PLAAT3: variants seen among roughly 807,000 people sequenced by gnomAD.
The protein encoded by PLAAT3 is Ca-independent phospholipase A1/2.
In PLAAT3, 21 loss-of-function variants were observed where a neutral mutation model predicts 16.7. The observed-to-expected ratio is 1.26, with a 90% CI of 0.89 to 1.81. The LOEUF is 1.81. PLAAT3 is among the 40% of genes most tolerant of loss of function. PLAAT3 has a pLI of 0.00. For missense variants in PLAAT3, 219 were observed against 213.7 expected, an observed-to-expected ratio of 1.02 and a Z score of -0.16; for synonymous variants, 76 against 81.7, an observed-to-expected ratio of 0.93 and a Z score of 0.38.
chr11:63,594,113 G>A (rs989293157), intron 3 of PLAAT3, among the ~76,000 whole-genome samples: 4 of 152,326 alleles, frequency 2.6e-5, no homozygotes, highest in Middle Eastern at 3.4e-3. Context: ...TGGAAGGAAC[G>A]GAGAATGACT....
chr11:63,598,475 G>A (rs1938349234), intron 2 of PLAAT3, among the ~76,000 whole-genome samples: 1 of 152,224 alleles, frequency 6.6e-6, no homozygotes. Flanking sequence ...TCTGAGCCAA[G>A]CACTCCACTC....
At chr11:63,582,889 T>C (rs547052813) in intron 4 of PLAAT3, among the ~76,000 whole-genome samples, 1 of 152,240 alleles carries the variant, frequency 6.6e-6, no homozygotes, top group Admixed American at 6.5e-5. Flanking sequence ...TCCCAGCACT[T>C]TGGGAGGCCG....
intron 3 of PLAAT3, among the ~76,000 whole-genome samples, chr11:63,595,996 C>G (rs1228501574): frequency 6.6e-6 from 1 of 151,930 alleles, no homozygotes; most frequent in Non-Finnish European, 1.5e-5. Context: ...AATCCCAGCA[C>G]TGTGGGAGGC....
At chr11:63,608,921 C>G (rs973665063) in intron 2 of PLAAT3, among the ~76,000 whole-genome samples, 1 of 152,180 alleles carries the variant, frequency 6.6e-6, no homozygotes, top group Non-Finnish European at 1.5e-5. Context: ...GGGATAGGTA[C>G]AGCACCTGAT....
intron 4 of PLAAT3, among the ~76,000 whole-genome samples, chr11:63,589,643 A>T (rs1169205480): frequency 6.6e-6 from 1 of 152,198 alleles, no homozygotes; most frequent in African/African-American, 2.4e-5. Flanking sequence ...CTGGGCTTCA[A>T]ATCCCAACTC....
intron 2 of PLAAT3, among the ~76,000 whole-genome samples, chr11:63,604,958 T>C (rs183943633): frequency 1.2e-4 from 18 of 152,222 alleles, no homozygotes; most frequent in Middle Eastern, 3.4e-3. Context: ...TCCCTCTGGT[T>C]TCTGGGTGCT....
chr11:63,581,970 T>C (rs905403516), intron 4 of PLAAT3, among the ~76,000 whole-genome samples: 2 of 152,226 alleles, frequency 1.3e-5, no homozygotes, highest in African/African-American at 4.8e-5. Context: ...TGTCAATGCT[T>C]TGATTTTAGC....
intron 2 of PLAAT3, among the ~76,000 whole-genome samples, chr11:63,598,418 A>T (rs970166602): frequency 6.6e-6 from 1 of 152,230 alleles, no homozygotes; most frequent in Non-Finnish European, 1.5e-5. Context: ...CATGAGCTGG[A>T]GTCTCTGCCT....
chr11:63,616,448 AATTTTT>A (rs1938875925), upstream of PLAAT3: 1 of 151,914 alleles, frequency 6.6e-6, no homozygotes, highest in South Asian at 2.1e-4. Context: ...GCATCTTTTT[AATTTTT>A]ATTTTTATTT....
intron 2 of PLAAT3, among the ~76,000 whole-genome samples, chr11:63,601,419 G>A (rs1206890384): frequency 6.8e-6 from 1 of 147,002 alleles, no homozygotes; most frequent in Non-Finnish European, 1.5e-5. Flanking sequence ...TTGACATTCA[G>A]CCAATCTGCC....
At chr11:63,616,863 GTCC>G (rs1938887730), upstream of PLAAT3, 1 of 151,864 alleles carries the variant, frequency 6.6e-6, no homozygotes, top group Admixed American at 6.6e-5. Flanking sequence ...GGTGCCTGTA[GTCC>G]CAGCTACTCG....
chr11:63,582,121 GAC>G (rs1485216475), intron 4 of PLAAT3, among the ~76,000 whole-genome samples: 1 of 152,156 alleles, frequency 6.6e-6, no homozygotes, highest in Non-Finnish European at 1.5e-5. Flanking sequence ...GGAGCATTGT[GAC>G]TCCAGAGCCT....
intron 4 of PLAAT3, among the ~76,000 whole-genome samples, chr11:63,583,074 G>C (rs1415764504): frequency 6.6e-6 from 1 of 150,870 alleles, no homozygotes; most frequent in Non-Finnish European, 1.5e-5. Flanking sequence ...AGGTTGCAGT[G>C]AGCCGAGATC....
upstream of PLAAT3, among the ~76,000 whole-genome samples, chr11:63,615,140 G>GTGTGTA (rs1555047889): frequency 3.2e-5 from 2 of 62,464 alleles, no homozygotes; most frequent in African/African-American, 1.1e-4. Context: ...ATGTATATGT[G>GTGTGTA]TATATGTGTG....
chr11:63,585,975 G>A (rs142061770), intron 4 of PLAAT3, among the ~76,000 whole-genome samples: 532 of 152,202 alleles, frequency 3.5e-3, no homozygotes, highest in Middle Eastern at 6.8e-3. Flanking sequence ...CCAGCACTTT[G>A]GGAGACTGAG....
intron 4 of PLAAT3, among the ~76,000 whole-genome samples, chr11:63,584,145 T>C (rs181291459): frequency 6.6e-6 from 1 of 152,312 alleles, no homozygotes; most frequent in African/African-American, 2.4e-5. Flanking sequence ...TGGTTTCATT[T>C]ACAGTAATTT....
At chr11:63,588,316 C>T (rs1053149444) in intron 4 of PLAAT3, among the ~76,000 whole-genome samples, 2 of 152,092 alleles carry the variant, frequency 1.3e-5, no homozygotes, top group Non-Finnish European at 2.9e-5. Context: ...GTGGTCTGCC[C>T]GCCTTAGTCT....
intron 4 of PLAAT3, among the ~76,000 whole-genome samples, chr11:63,579,069 G>A (rs1311755014): frequency 2.0e-5 from 3 of 152,322 alleles, no homozygotes; most frequent in East Asian, 1.9e-4. Flanking sequence ...CGAAGGATAT[G>A]AACAGACACT....
At chr11:63,609,984 AGC>A (rs1261829990) in intron 2 of PLAAT3, among the ~76,000 whole-genome samples, 34 of 152,130 alleles carry the variant, frequency 2.2e-4, no homozygotes, top group Non-Finnish European at 4.0e-4. Context: ...TCCTTATAAG[AGC>A]CCCATGTTAC....
Sources: gnomAD v4.1 joint callset for allele counts (sites outside exome capture counted in the v4.1 genomes callset) on GRCh38, gnomAD v4.1.1 for gene constraint, MANE v1.5 for transcripts, NCBI Gene and HGNC (gene_info 2026-07-23, HGNC 2026-07-21) for gene names.